The following EPB41 variants were observed in gnomAD, a reference collection of about 807,000 sequenced individuals.
EPB41 encodes the protein erythrocyte membrane protein band 4.1.
In EPB41, 65 loss-of-function variants were observed where a neutral mutation model predicts 108.0. The observed-to-expected ratio is 0.60, with a 90% CI of 0.49 to 0.74. The LOEUF is 0.74. Among genes scored for constraint, EPB41 ranks in the 30% least tolerant of loss-of-function variants. EPB41 has a pLI of 0.00. For synonymous variants in EPB41, 336 were observed against 358.9 expected, an observed-to-expected ratio of 0.94 and a Z score of 0.72; for missense variants, 875 against 1,037.0, an observed-to-expected ratio of 0.84 and a Z score of 2.15.
intron 1 of EPB41, among the ~76,000 whole-genome samples, chr1:28,974,327 C>T (rs2149343689): frequency 6.6e-6 from 1 of 152,268 alleles, no homozygotes; most frequent in Non-Finnish European, 1.5e-5. Context: ...TCTAGAAATG[C>T]AGATAAAGAT....
intron 1 of EPB41, among the ~76,000 whole-genome samples, chr1:28,970,429 G>C (rs1394688493): frequency 6.6e-6 from 1 of 152,180 alleles, no homozygotes; most frequent in Non-Finnish European, 1.5e-5. Context: ...AAAAATAAGA[G>C]AGTAAGGAAA....
chr1:28,898,468 G>A (rs1469609165), intron 1 of EPB41, among the ~76,000 whole-genome samples: 1 of 152,166 alleles, frequency 6.6e-6, no homozygotes. Flanking sequence ...GGAACAGCAG[G>A]CTTTCCTCCC....
At chr1:29,055,762 T>C (rs769591756) in intron 12 of EPB41, among the ~76,000 whole-genome samples, 2 of 144,948 alleles carry the variant, frequency 1.4e-5, no homozygotes, top group Admixed American at 1.4e-4. Flanking sequence ...ACCCCGTCTT[T>C]ACTAAAAATA....
chr1:29,031,608 C>G (rs947510073), intron 8 of EPB41, among the ~76,000 whole-genome samples: 2 of 152,160 alleles, frequency 1.3e-5, no homozygotes, highest in African/African-American at 4.8e-5. Context: ...GGAGGTGGAG[C>G]TCAGCAATCC....
At chr1:28,929,121 A>AT (rs1206370285) in intron 1 of EPB41, among the ~76,000 whole-genome samples, 1 of 152,200 alleles carries the variant, frequency 6.6e-6, no homozygotes, top group East Asian at 1.9e-4. Flanking sequence ...TGTGCTCTTA[A>AT]TGAATGGGAA....
chr1:29,058,743 G>A, intron 13 of EPB41, 68 bp from the exon 14 acceptor site: 1 of 1,532,996 alleles, frequency 6.5e-7, no homozygotes, highest in Non-Finnish European at 8.8e-7. Context: ...ATAAAATGAA[G>A]GTTCAAACAA....
At chr1:29,052,986 A>G in intron 11 of EPB41, 118 bp from the exon 12 acceptor site, 1 of 1,092,940 alleles carries the variant, frequency 9.1e-7, no homozygotes, top group Non-Finnish European at 1.4e-6. Context: ...GTGATAGCCC[A>G]CTACACACTC....
At chr1:28,911,123 C>T (rs1315382248), upstream of EPB41, 31 of 985,272 alleles carry the variant, frequency 3.1e-5, no homozygotes, top group Admixed American at 1.2e-4. Context: ...AGTTTTTCCA[C>T]CTTCATATTA....
At chr1:28,921,277 A>G (rs946569266) in intron 1 of EPB41, among the ~76,000 whole-genome samples, 2 of 152,188 alleles carry the variant, frequency 1.3e-5, no homozygotes, top group Non-Finnish European at 2.9e-5. Flanking sequence ...CTTTAAACCT[A>G]TCTTATAAAG....
chr1:29,053,118 T>G lies in EPB41; in HGVS notation c.1651T>G (p.Ser551Ala). 6.2e-7 allele frequency: 1 copy of G among 1,614,136 alleles called. No homozygotes were observed. Reference protein sequence around the residue: ...RSLDGAAAVDSADRSPRPTSA... With the variant: ...RSLDGAAAVDAADRSPRPTSA... Reference sequence around the variant, plus strand: ...TTCTCACATAGCAGCAGCTGTCGATTCGGCAGACCGAAGTCCTCGGCCCAC... The same window carrying G: ...TTCTCACATAGCAGCAGCTGTCGATGCGGCAGACCGAAGTCCTCGGCCCAC... Residue 551 changes from serine (S) to alanine (A), a missense_variant, in exon 12 of 21, where the codon TCG (serine) becomes GCG (alanine). Transcript: ENST00000343067.
intron 17 of EPB41, among the ~76,000 whole-genome samples, chr1:29,105,630 C>T (rs954551893): frequency 2.6e-5 from 4 of 151,494 alleles, no homozygotes; most frequent in African/African-American, 9.7e-5. Flanking sequence ...AATAGTATTA[C>T]ATTGAATGAA....
chr1:29,082,764 G>A (rs1280543334), intron 16 of EPB41, among the ~76,000 whole-genome samples: 1 of 152,140 alleles, frequency 6.6e-6, no homozygotes, highest in Non-Finnish European at 1.5e-5. Flanking sequence ...GCTGGTGAGT[G>A]CAGTGTAAAG....
At chr1:29,061,251 T>C (rs1646467665) in intron 15 of EPB41, among the ~76,000 whole-genome samples, 1 of 152,178 alleles carries the variant, frequency 6.6e-6, no homozygotes, top group African/African-American at 2.4e-5. Flanking sequence ...ATTGGTCATA[T>C]ATATATAAAA....
chr1:29,043,804 G>A (rs1297426575), intron 11 of EPB41, among the ~76,000 whole-genome samples: 2 of 152,176 alleles, frequency 1.3e-5, no homozygotes, highest in African/African-American at 4.8e-5. Flanking sequence ...TGAAAAGCAG[G>A]GCGAAGGCTG....
intron 1 of EPB41, among the ~76,000 whole-genome samples, chr1:28,921,530 A>G (rs2093068505): frequency 6.6e-6 from 1 of 152,086 alleles, no homozygotes; most frequent in Non-Finnish European, 1.5e-5. Context: ...CGATAGGGAC[A>G]CATGGAAGGC....
chr1:29,097,318 A>G, intron 16 of EPB41: 1 of 177,208 alleles, frequency 5.6e-6, no homozygotes, highest in South Asian at 1.3e-4. Flanking sequence ...CAATAACTCC[A>G]AAGTGAATCT....
At chr1:28,945,699 C>G (rs2094465828) in intron 1 of EPB41, among the ~76,000 whole-genome samples, 1 of 152,180 alleles carries the variant, frequency 6.6e-6, no homozygotes, top group African/African-American at 2.4e-5. Context: ...GATTGTGAGG[C>G]TAACGTCAGA....
At chr1:28,907,265 A>G (rs996755150) in intron 1 of EPB41, among the ~76,000 whole-genome samples, 1 of 149,530 alleles carries the variant, frequency 6.7e-6, no homozygotes, top group Admixed American at 6.7e-5. Context: ...TGGTTTCCCC[A>G]TGTTGGTCAT....
At chr1:28,968,420 T>G (rs2095414081) in intron 1 of EPB41, among the ~76,000 whole-genome samples, 1 of 152,076 alleles carries the variant, frequency 6.6e-6, no homozygotes, top group Non-Finnish European at 1.5e-5. Context: ...ATATCCCCAC[T>G]CTTCATGACT....
Sources: gnomAD v4.1 joint callset for allele counts (sites outside exome capture counted in the v4.1 genomes callset) on GRCh38, gnomAD v4.1.1 for gene constraint, MANE v1.5 for transcripts, NCBI Gene and HGNC (gene_info 2026-07-23, HGNC 2026-07-21) for gene names.